The following REV3L variants were observed in gnomAD, a reference collection of about 807,000 sequenced individuals.
REV3L encodes DNA polymerase zeta catalytic subunit.
REV3L carries 69 observed loss-of-function variants against 299.4 expected under a neutral mutation model. That is an observed-to-expected ratio of 0.23 (90% CI 0.19 to 0.28). REV3L has a LOEUF of 0.28. Among genes scored for constraint, REV3L ranks in the 10% least tolerant of loss-of-function variants. The pLI is 1.00. For synonymous variants in REV3L, 1,238 were observed against 1,271.4 expected, an observed-to-expected ratio of 0.97 and a Z score of 0.56; for missense variants, 3,128 against 3,693.8, an observed-to-expected ratio of 0.85 and a Z score of 3.97.
chr6:111,374,301 T>C lies in REV3L; in HGVS notation c.4054A>G (p.Thr1352Ala). Residue 1352 changes from threonine to alanine, a missense_variant, in exon 13 of 32, where the codon ACG becomes GCG. Transcript: ENST00000368802. The stretch of plus-strand genomic sequence containing the variant: ...TCAAATATATTTTTTTGAATTAACG[T>C]TGATTCCTTTAGAGTAAACATAGCA... ...QSAMFTLKES[T>A]LIQKNIFDLS... 1.2e-6 allele frequency: 2 copies of C among 1,613,986 alleles called. No homozygotes were observed. Among genetic ancestry groups the C allele is most frequent in the East Asian group, 2.2e-5 (1 of 44,874 alleles).
upstream of REV3L, chr6:111,483,616 C>T (rs1794045256): frequency 2.2e-6 from 1 of 445,838 alleles, no homozygotes; most frequent in Non-Finnish European, 4.4e-6. Context: ...ACCGCCATTT[C>T]ACATCCAGCA....
intron 1 of REV3L, among the ~76,000 whole-genome samples, chr6:111,463,509 G>A (rs937562052): frequency 2.6e-5 from 4 of 152,154 alleles, no homozygotes; most frequent in African/African-American, 9.7e-5. Context: ...ACTACTGATT[G>A]TAAGACATAT....
intron 1 of REV3L, among the ~76,000 whole-genome samples, chr6:111,423,844 T>C (rs1357711507): frequency 2.6e-5 from 4 of 152,214 alleles, no homozygotes; most frequent in African/African-American, 9.6e-5. Flanking sequence ...CTTAGGCAAC[T>C]GGACGGATGA....
chr6:111,313,635 A>G (rs1773212612), intron 27 of REV3L, 146 bp from the exon 28 acceptor site: 8 of 711,442 alleles, frequency 1.1e-5, no homozygotes, highest in South Asian at 6.9e-5. Flanking sequence ...AATTCATGAT[A>G]TAACACGTGG....
intron 9 of REV3L, among the ~76,000 whole-genome samples, chr6:111,385,315 T>C (rs1189417801): frequency 6.6e-6 from 1 of 152,166 alleles, no homozygotes; most frequent in Admixed American, 6.5e-5. Context: ...TTTATCCTGA[T>C]GTGGTTATTA....
intron 24 of REV3L, chr6:111,331,147 A>T (rs760260303): frequency 2.4e-6 from 1 of 409,634 alleles, no homozygotes; most frequent in Admixed American, 6.4e-5. Context: ...TTTAATTTGT[A>T]AAGTTTTCCT....
At chr6:111,303,502 G>C (rs1434557848) in intron 31 of REV3L, among the ~76,000 whole-genome samples, 1 of 151,428 alleles carries the variant, frequency 6.6e-6, no homozygotes, top group Non-Finnish European at 1.5e-5. Flanking sequence ...AAGTAGCTGG[G>C]ATTATAGGTG....
In REV3L at chr6:111,375,119, T is replaced by C. The variant is rs1222933791; in HGVS notation, c.3236A>G (p.Lys1079Arg). 6.2e-7 allele frequency: 1 copy of C among 1,609,996 alleles called. No individual in the cohort carries two copies. The highest frequency in any genetic ancestry group is 2.2e-5 in the East Asian group (1 of 44,864). The change falls in exon 13 of 32, where the codon AAA becomes AGA. Residue 1079 changes from lysine (K) to arginine (R), a missense_variant. Lys to Arg is a conservative substitution (Grantham distance 26, BLOSUM62 2). Transcript: ENST00000368802. ...AGGAGAAAGAATAGCATGTGACCGT[T>C]TTTTCCTGAAAGACAAAGTTCTTTT... Reference protein sequence around the residue: ...NIKRTLSFRKKRSHAILSPPS... With the variant: ...NIKRTLSFRKRRSHAILSPPS...
In REV3L at chr6:111,373,047, AGTC is replaced by A. The variant is rs1374681137; in HGVS notation, c.5305_5307del (p.Asp1769del). On this transcript the variant is annotated inframe_deletion, in exon 13 of 32. Transcript: ENST00000368802. Reference sequence around the variant, plus strand: ...TTCAATCTAGATTTTTCACTTAGACAGTCTTCTGCCTGCTGAACACAGAAAGAA... The same window carrying A: ...TTCAATCTAGATTTTTCACTTAGACATTCTGCCTGCTGAACACAGAAAGAA... 6.2e-7 allele frequency: 1 copy of A among 1,614,066 alleles called. No homozygotes were observed. The highest frequency in any genetic ancestry group is 1.3e-5 in the African/African-American group (1 of 74,930).
At chr6:111,312,975 G>T (rs1244653595) in intron 28 of REV3L, 1 of 157,276 alleles carries the variant, frequency 6.4e-6, no homozygotes, top group East Asian at 1.8e-4. Context: ...TTGATAAAAC[G>T]TAAGGTATGG....
At chr6:111,335,667 CA>C (rs1334506077) in intron 21 of REV3L, 57 bp from the exon 22 acceptor site, 7 of 1,531,806 alleles carry the variant, frequency 4.6e-6, no homozygotes, top group African/African-American at 1.4e-5. Context: ...CACTTGAAAA[CA>C]GTACTTTTTT....
chr6:111,431,949 G>A (rs1786988650), intron 1 of REV3L, among the ~76,000 whole-genome samples: 1 of 151,758 alleles, frequency 6.6e-6, no homozygotes, highest in South Asian at 2.1e-4. Context: ...AATAAAGCGG[G>A]ACCTGAGGAA....
chr6:111,405,908 A>C (rs980308899), intron 3 of REV3L, among the ~76,000 whole-genome samples: 27 of 152,194 alleles, frequency 1.8e-4, no homozygotes, highest in Admixed American at 6.5e-4. Flanking sequence ...GGTTTTTAAA[A>C]TAAAATTTTT....
intron 1 of REV3L, chr6:111,431,381 A>T (rs1786905096): frequency 1.0e-6 from 1 of 960,104 alleles, no homozygotes; most frequent in Non-Finnish European, 1.7e-6. Context: ...ACAGGCTCAT[A>T]GCGCTGAAAG....
At chr6:111,474,881 G>C (rs555478263) in intron 1 of REV3L, among the ~76,000 whole-genome samples, 22 of 151,758 alleles carry the variant, frequency 1.4e-4, no homozygotes, top group African/African-American at 5.3e-4. Context: ...TTAAAAGTTA[G>C]TCCATCTTTG....
intron 31 of REV3L, 74 bp downstream of exon 31, chr6:111,307,287 T>A: frequency 7.7e-7 from 1 of 1,300,018 alleles, no homozygotes; most frequent in Non-Finnish European, 1.1e-6. Flanking sequence ...TCTCACACTA[T>A]AATTCAAGAG....
In REV3L at chr6:111,375,654, C is replaced by A. The variant is rs1780228428; in HGVS notation, c.2701G>T (p.Asp901Tyr). The change falls in exon 13 of 32, where the codon GAT (aspartate) becomes TAT (tyrosine). Residue 901 changes from aspartate to tyrosine, a missense_variant. Transcript: ENST00000368802. ...TDGFIDCHFGDGTLETEQSFG... is the reference protein window; with the variant it reads ...TDGFIDCHFGYGTLETEQSFG... ...GACTGCTCAGTTTCTAACGTTCCAT[C>A]TCCAAAGTGACAGTCTATAAAACCA... 6.2e-7 allele frequency: 1 copy of A among 1,613,866 alleles called. No individual in the cohort carries two copies. The highest frequency in any genetic ancestry group is 8.5e-7 in the Non-Finnish European group (1 of 1,179,936).
At chr6:111,417,039 A>G (rs1314519480) in intron 1 of REV3L, among the ~76,000 whole-genome samples, 6 of 152,080 alleles carry the variant, frequency 3.9e-5, no homozygotes, top group Non-Finnish European at 7.4e-5. Flanking sequence ...ACCAAATCAA[A>G]ACAAAATCTC....
intron 1 of REV3L, among the ~76,000 whole-genome samples, chr6:111,418,501 A>T (rs1784993980): frequency 6.6e-6 from 1 of 152,212 alleles, no homozygotes; most frequent in Non-Finnish European, 1.5e-5. Flanking sequence ...TGGGATGTAC[A>T]ATTTAGGAAA....
Sources: allele counts gnomAD v4.1 joint callset (sites outside exome capture counted in the v4.1 genomes callset), GRCh38; gene constraint gnomAD v4.1.1; transcripts MANE v1.5; gene names NCBI Gene and HGNC (gene_info 2026-07-23, HGNC 2026-07-21).